The following DGKI variants were observed in gnomAD, a reference collection of about 807,000 sequenced individuals.
The protein encoded by DGKI is DAG kinase iota.
A neutral mutation model predicts 147.5 loss-of-function variants in DGKI; 55 were observed. That is an observed-to-expected ratio of 0.37 (90% CI 0.30 to 0.47). DGKI has a LOEUF of 0.47. DGKI is among the 20% of genes least tolerant of loss of function. The pLI is 1.00. For missense variants in DGKI, 1,007 were observed against 1,323.8 expected (o/e 0.76, Z 3.71); for synonymous variants, 469 against 477.1 (o/e 0.98, Z 0.22).
intron 1 of DGKI, among the ~76,000 whole-genome samples, chr7:137,788,663 CATA>C (rs1796751826): frequency 4.9e-5 from 3 of 61,712 alleles, no homozygotes; most frequent in African/African-American, 2.2e-4. Context: ...CACACACACA[CATA>C]CACACACACA....
chr7:137,662,114 T>G (rs1822455276), intron 3 of DGKI, among the ~76,000 whole-genome samples: 3 of 152,168 alleles, frequency 2.0e-5, no homozygotes, highest in Admixed American at 2.0e-4. Flanking sequence ...AAAGTTCCAT[T>G]AATATGATTT....
intron 21 of DGKI, among the ~76,000 whole-genome samples, chr7:137,501,335 T>C (rs552194506): frequency 3.0e-4 from 46 of 152,292 alleles, no homozygotes; most frequent in Middle Eastern, 3.4e-3. Context: ...ACTCAGGCAT[T>C]CAAATATCTC....
At position 137,464,117 on chromosome 7, in the gene DGKI, C is replaced by T. The variant is rs1017187698; in HGVS notation, c.2613-506G>A. The stretch of plus-strand genomic sequence containing the variant: ...ACGACCATACAAAAAATTAGCCAGG[C>T]GTGGTGGCAGGCGCCTGTAGTCCCA... On this transcript the variant is annotated intron_variant, in intron 26 of 32. Transcript: ENST00000614521. Among the ~76,000 whole-genome samples the T allele has an allele frequency of 2.6e-5, 4 of 151,918 alleles. No homozygotes were observed. In the South Asian group the frequency reaches 6.2e-4, roughly 24 times the overall value.
chr7:137,624,609 T>C (rs1397305328), intron 6 of DGKI, among the ~76,000 whole-genome samples: 1 of 151,906 alleles, frequency 6.6e-6, no homozygotes, highest in Non-Finnish European at 1.5e-5. Context: ...CGTTTTTGTT[T>C]TTGTTTTTTT....
chr7:137,753,959 A>AGAG (rs751723884), intron 1 of DGKI, among the ~76,000 whole-genome samples: 2 of 152,224 alleles, frequency 1.3e-5, no homozygotes, highest in East Asian at 1.9e-4. Flanking sequence ...ACATTAAAAA[A>AGAG]GAGGAGGAGG....
intron 3 of DGKI, among the ~76,000 whole-genome samples, chr7:137,658,789 G>C (rs908189612): frequency 2.6e-5 from 4 of 152,128 alleles, no homozygotes; most frequent in African/African-American, 9.7e-5. Flanking sequence ...AAGGGATCTG[G>C]GCTAGAAGAA....
intron 1 of DGKI, among the ~76,000 whole-genome samples, chr7:137,696,035 C>A (rs969522165): frequency 6.6e-6 from 1 of 152,190 alleles, no homozygotes; most frequent in African/African-American, 2.4e-5. Context: ...ATTGTTCGTA[C>A]ACACATCAGC....
intron 20 of DGKI, 102 bp from the exon 21 acceptor site, chr7:137,522,068 G>T: frequency 1.3e-6 from 1 of 791,020 alleles, no homozygotes; most frequent in Non-Finnish European, 2.0e-6. Flanking sequence ...ATGTTTAGAA[G>T]GAAGAGTTCA....
intron 21 of DGKI, among the ~76,000 whole-genome samples, chr7:137,517,091 TA>T (rs1816769753): frequency 6.6e-6 from 1 of 151,002 alleles, no homozygotes; most frequent in African/African-American, 2.4e-5. Context: ...TAAAAACCCA[TA>T]AATCCAGTGT....
intron 1 of DGKI, among the ~76,000 whole-genome samples, chr7:137,761,429 G>A (rs1795852571): frequency 6.6e-6 from 1 of 152,152 alleles, no homozygotes; most frequent in Non-Finnish European, 1.5e-5. Flanking sequence ...ACCTCACCTG[G>A]TTATTGTGGT....
chr7:137,609,015 AGAG>A lies in DGKI; in HGVS notation c.1115_1117del (p.Pro372del). On this transcript the variant is annotated inframe_deletion, in exon 10 of 33. Transcript: ENST00000614521. ...CACAAATACAAGCAAGGGTTTCATG[AGAG>A]GAGAAGAGATGGGTTTTATCACAAA... 4 of 1,613,794 alleles carry A rather than the reference AGAG, an allele frequency of 2.5e-6. No homozygotes were observed. The highest frequency in any genetic ancestry group is 3.4e-6 in the Non-Finnish European group (4 of 1,179,732).
chr7:137,818,796 T>C (rs1797813058), intron 1 of DGKI, among the ~76,000 whole-genome samples: 1 of 152,158 alleles, frequency 6.6e-6, no homozygotes, highest in South Asian at 2.1e-4. Context: ...TATCTATCTA[T>C]GGATCAAAAA....
In DGKI at chr7:137,412,225, G is replaced by A; in HGVS notation, c.2762-18C>T. 1 of 1,611,434 alleles carries A rather than the reference G, an allele frequency of 6.2e-7. No individual in the cohort carries two copies. The highest frequency in any genetic ancestry group is 8.5e-7 in the Non-Finnish European group (1 of 1,177,556). On this transcript the variant is annotated intron_variant, in intron 28 of 32. Transcript: ENST00000614521. ...CAAAATTGCTGTGAAAGACAAAAGA[G>A]AGATGTCCCATTAGTAGAAGACCCT...
chr7:137,495,100 C>T (rs1255057182), intron 21 of DGKI, among the ~76,000 whole-genome samples: 3 of 152,004 alleles, frequency 2.0e-5, no homozygotes, highest in Non-Finnish European at 2.9e-5. Context: ...CAAATAAACA[C>T]AATCAGAAGT....
At chr7:137,558,736 T>C (rs1304502750) in intron 19 of DGKI, among the ~76,000 whole-genome samples, 3 of 128,568 alleles carry the variant, frequency 2.3e-5, no homozygotes, top group Non-Finnish European at 4.6e-5. Context: ...TACAGTATGC[T>C]GCTACAATCA....
At chr7:137,532,059 G>A (rs1817357858) in intron 20 of DGKI, among the ~76,000 whole-genome samples, 1 of 151,372 alleles carries the variant, frequency 6.6e-6, no homozygotes, top group African/African-American at 2.4e-5. Context: ...GATTCAGAAT[G>A]TGTTATAAAT....
chr7:137,841,931 A>G (rs1370673356), intron 1 of DGKI, among the ~76,000 whole-genome samples: 1 of 152,196 alleles, frequency 6.6e-6, no homozygotes, highest in Non-Finnish European at 1.5e-5. Context: ...CAATAGTGTC[A>G]ATCTCCCAGG....
chr7:137,391,111 A>C lies in DGKI; in HGVS notation c.*109T>G, dbSNP rs1811344331. ...ATGGTCTCAGGTAGATTCTTGCAGG[A>C]GAGAGACAGATATATGAATTCCATC... On this transcript the variant is annotated 3_prime_UTR_variant, in exon 33 of 33. Coordinates refer to ENST00000614521, the MANE Select transcript of DGKI (RefSeq NM_001321708.2). 1 of 868,448 alleles carries C rather than the reference A, an allele frequency of 1.2e-6. No homozygotes were observed. 53.8% of individuals were successfully genotyped at this position (868,448 alleles called of 1,614,324 possible).
intron 19 of DGKI, 59 bp downstream of exon 19, chr7:137,571,116 T>C: frequency 1.6e-6 from 2 of 1,266,734 alleles, no homozygotes; most frequent in Non-Finnish European, 2.2e-6. Flanking sequence ...GTCCTGTGAA[T>C]TGAATAAACT....
Sources: gnomAD v4.1 joint callset for allele counts (sites outside exome capture counted in the v4.1 genomes callset) on GRCh38, gnomAD v4.1.1 for gene constraint, MANE v1.5 for transcripts, NCBI Gene and HGNC (gene_info 2026-07-23, HGNC 2026-07-21) for gene names.